The following CNTNAP4 variants were observed in gnomAD, a reference collection of about 807,000 sequenced individuals.
The protein encoded by CNTNAP4 is contactin-associated protein-like 4.
Under a neutral mutation model 148.4 loss-of-function variants are expected in CNTNAP4, and 98 were observed. That is an observed-to-expected ratio of 0.66 (90% CI 0.56 to 0.78). The LOEUF (loss-of-function observed/expected upper bound fraction) is 0.78, where lower values mean the gene tolerates loss of function less well. Among genes scored for constraint, CNTNAP4 ranks in the 30% least tolerant of loss-of-function variants. The pLI is 0.00. For synonymous variants in CNTNAP4, 730 were observed against 565.1 expected, an observed-to-expected ratio of 1.29 and a Z score of -4.14; for missense variants, 1,935 against 1,565.6, an observed-to-expected ratio of 1.24 and a Z score of -3.98.
intron 17 of CNTNAP4, among the ~76,000 whole-genome samples, chr16:76,533,681 A>AG (rs1339435248): frequency 6.6e-6 from 1 of 151,964 alleles, no homozygotes; most frequent in Non-Finnish European, 1.5e-5. Flanking sequence ...AAATCTTAAA[A>AG]AAAAAATGGC....
intron 1 of CNTNAP4, among the ~76,000 whole-genome samples, chr16:76,278,976 T>C (rs781695161): frequency 1.3e-5 from 2 of 152,224 alleles, no homozygotes; most frequent in Non-Finnish European, 2.9e-5. Flanking sequence ...CTTCAGGTGC[T>C]GCACATCAGA....
intron 2 of CNTNAP4, among the ~76,000 whole-genome samples, chr16:76,347,654 G>A (rs1026093234): frequency 1.3e-5 from 2 of 152,148 alleles, no homozygotes; most frequent in Non-Finnish European, 2.9e-5. Flanking sequence ...AGACTTATAG[G>A]CAGCAAAGGT....
Position 76,427,503 on chromosome 16 carries a change from C to T in CNTNAP4, c.442C>T (p.Pro148Ser), listed in dbSNP as rs1173074811. The T allele has an allele frequency of 1.9e-6, 3 of 1,613,180 alleles. No homozygotes were observed. Among genetic ancestry groups the T allele is most frequent in the African/African-American group, 1.3e-5 (1 of 74,988 alleles). ...ADSVVYYRLQ[P>S]SIKARFLRFI... ...CAGTGTTGTGTACTATAGACTCCAG[C>T]CTTCTATCAAAGCCAGATTTCTGCG... The change falls in exon 4 of 24, where the codon CCT (proline) becomes TCT (serine). Residue 148 changes from proline to serine, a missense_variant. Coordinates refer to ENST00000611870, the MANE Select transcript of CNTNAP4 (RefSeq NM_033401.5).
At chr16:76,386,243 A>G (rs562429498) in intron 3 of CNTNAP4, among the ~76,000 whole-genome samples, 3 of 152,296 alleles carry the variant, frequency 2.0e-5, no homozygotes, top group South Asian at 2.1e-4. Context: ...AAAATACCAT[A>G]TGGGTATAGT....
chr16:76,436,219 G>A (rs185953633), intron 4 of CNTNAP4, among the ~76,000 whole-genome samples: 1 of 152,202 alleles, frequency 6.6e-6, no homozygotes, highest in East Asian at 1.9e-4. Flanking sequence ...AATGATGGCA[G>A]TGTGGGTCAG....
chr16:76,379,246 G>A lies in CNTNAP4; in HGVS notation c.390+23735G>A, dbSNP rs189897338. On this transcript the variant is annotated intron_variant, in intron 3 of 23. Transcript: ENST00000611870. The stretch of plus-strand genomic sequence containing the variant: ...AGAATGCGAGAGAATCATGGTTGTT[G>A]GCTGTGGCTATAGAAGCATGTCAGG... Among the ~76,000 whole-genome samples the A allele has an allele frequency of 2.0e-4, 31 of 152,214 alleles. No individual in the cohort carries two copies. In the East Asian group the frequency reaches 5.8e-3, roughly 29 times the overall value.
chr16:76,551,428 C>T (rs945821102), intron 21 of CNTNAP4, among the ~76,000 whole-genome samples: 1 of 149,522 alleles, frequency 6.7e-6, no homozygotes, highest in Non-Finnish European at 1.5e-5. Flanking sequence ...TATATTAGAG[C>T]TCAGATGCCC....
chr16:76,366,487 G>A (rs747080494), intron 3 of CNTNAP4, among the ~76,000 whole-genome samples: 2 of 152,130 alleles, frequency 1.3e-5, no homozygotes, highest in Non-Finnish European at 2.9e-5. Flanking sequence ...CGGCTGCATA[G>A]TATTACATGA....
chr16:76,320,073 T>A (rs934740375), intron 2 of CNTNAP4, among the ~76,000 whole-genome samples: 3 of 152,172 alleles, frequency 2.0e-5, no homozygotes, highest in Non-Finnish European at 4.4e-5. Flanking sequence ...AAAACTCAGA[T>A]TGCCTTGAAA....
chr16:76,468,329 C>G (rs1305478906), intron 10 of CNTNAP4, among the ~76,000 whole-genome samples: 1 of 151,872 alleles, frequency 6.6e-6, no homozygotes, highest in Non-Finnish European at 1.5e-5. Context: ...CAAAAATTAG[C>G]TGGGCATGGT....
intron 3 of CNTNAP4, among the ~76,000 whole-genome samples, chr16:76,360,634 C>G (rs2013295951): frequency 6.6e-6 from 1 of 152,156 alleles, no homozygotes; most frequent in Non-Finnish European, 1.5e-5. Flanking sequence ...TGGCAAATGC[C>G]TAGAGAGTGC....
intron 1 of CNTNAP4, among the ~76,000 whole-genome samples, chr16:76,310,073 G>C (rs186161134): frequency 6.6e-6 from 1 of 151,818 alleles, no homozygotes. Context: ...CCTGTAGATA[G>C]TAGTTTGGCT....
chr16:76,320,684 A>G (rs1324163395), intron 2 of CNTNAP4, among the ~76,000 whole-genome samples: 1 of 152,174 alleles, frequency 6.6e-6, no homozygotes, highest in Non-Finnish European at 1.5e-5. Flanking sequence ...GTAGAGTTCA[A>G]ACAGGTTCTA....
chr16:76,522,618 C>CTTCT (rs2083503887), intron 17 of CNTNAP4, among the ~76,000 whole-genome samples: 1 of 113,278 alleles, frequency 8.8e-6, no homozygotes, highest in Non-Finnish European at 1.9e-5. Context: ...TATTTCCTTC[C>CTTCT]TTCCTTCCTT....
At chr16:76,526,353 T>A (rs1011962926) in intron 17 of CNTNAP4, among the ~76,000 whole-genome samples, 3 of 152,094 alleles carry the variant, frequency 2.0e-5, no homozygotes, top group African/African-American at 7.2e-5. Flanking sequence ...ATATCGGACC[T>A]TGTAGGGCCA....
chr16:76,528,397 C>G (rs2043598861), intron 17 of CNTNAP4, among the ~76,000 whole-genome samples: 1 of 152,182 alleles, frequency 6.6e-6, no homozygotes, highest in South Asian at 2.1e-4. Flanking sequence ...TCCAGAGTAG[C>G]TGAGACTACA....
At chr16:76,544,210 CTT>C (rs200437303) in intron 21 of CNTNAP4, among the ~76,000 whole-genome samples, 5 of 142,948 alleles carry the variant, frequency 3.5e-5, no homozygotes, top group East Asian at 2.0e-4. Context: ...TAAACATTGC[CTT>C]TTTTTTTTTT....
Position 76,412,688 on chromosome 16 carries a change from T to A in CNTNAP4, c.391-14764T>A, listed in dbSNP as rs569255238. On this transcript the variant is annotated intron_variant, in intron 3 of 23. Coordinates refer to ENST00000611870, the MANE Select transcript of CNTNAP4 (RefSeq NM_033401.5). Reference sequence around the variant, plus strand: ...TTAAATACTTTTTTCTCTTTTTTTCTCTCATTGCTTTGTAGTTCACTATGT... The same window carrying A: ...TTAAATACTTTTTTCTCTTTTTTTCACTCATTGCTTTGTAGTTCACTATGT... 3.3e-5 allele frequency among the ~76,000 whole-genome samples: 5 copies of A among 151,448 alleles called. No individual in the cohort carries two copies. The South Asian group carries it at 8.3e-4, about 25-fold the overall frequency.
chr16:76,318,726 AATT>A (rs1241900822), intron 2 of CNTNAP4, among the ~76,000 whole-genome samples: 1 of 148,258 alleles, frequency 6.7e-6, no homozygotes, highest in Non-Finnish European at 1.5e-5. Context: ...AGAATAAATT[AATT>A]ATTTTTATTA....
Sources: gnomAD v4.1 joint callset for allele counts (sites outside exome capture counted in the v4.1 genomes callset) on GRCh38, gnomAD v4.1.1 for gene constraint, MANE v1.5 for transcripts, NCBI Gene and HGNC (gene_info 2026-07-23, HGNC 2026-07-21) for gene names.